PCDHA4: variants seen among roughly 807,000 people sequenced by gnomAD.
PCDHA4 encodes the protein protocadherin alpha 4.
In PCDHA4, 49 loss-of-function variants were observed where a neutral mutation model predicts 61.4. That is an observed-to-expected ratio of 0.80 (90% CI 0.63 to 1.01). The LOEUF (loss-of-function observed/expected upper bound fraction) is 1.01. Ranked by LOEUF, PCDHA4 falls within the 50% of genes least tolerant of loss-of-function variation. The probability of loss-of-function intolerance (pLI) is 0.00; values close to 1 mark genes in which losing one functional copy is unlikely to be tolerated. For synonymous variants in PCDHA4, 590 were observed against 550.3 expected, an observed-to-expected ratio of 1.07 and a Z score of -1.01; for missense variants, 1,254 against 1,235.8, an observed-to-expected ratio of 1.01 and a Z score of -0.22.
intron 1 of PCDHA4, chr5:140,829,375 G>A (rs1770260995): frequency 2.5e-6 from 4 of 1,614,026 alleles, no homozygotes; most frequent in East Asian, 2.2e-5. Flanking sequence ...TAACCGCGCG[G>A]GACGGGGGCT....
Position 141,010,123 on chromosome 5 carries a change from A to G in PCDHA4, c.*186A>G, listed in dbSNP as rs782357783. The G allele has an allele frequency of 3.7e-6, 6 of 1,605,822 alleles. No individual in the cohort carries two copies. In the East Asian group the frequency reaches 1.3e-4, roughly 36 times the overall value. On this transcript the variant is annotated 3_prime_UTR_variant, in exon 4 of 4. Transcript: ENST00000530339. ...AGGTTTTGTCGTAAAAGCTTTACTA[A>G]GTCTGGTGTTAACTCTTTCTCTCCA...
intron 1 of PCDHA4, chr5:140,877,158 G>A (rs781901798): frequency 1.2e-6 from 2 of 1,613,808 alleles, no homozygotes; most frequent in Admixed American, 3.3e-5. Context: ...ACGACAACGC[G>A]CCGGCACTGC....
intron 1 of PCDHA4, chr5:140,863,268 G>A: frequency 6.9e-7 from 1 of 1,459,352 alleles, no homozygotes; most frequent in Non-Finnish European, 9.3e-7. Context: ...GGGAGGCAGC[G>A]CTGGTGGATG....
At position 140,807,523 on chromosome 5, in the gene PCDHA4, G is replaced by T. The variant is rs1187036014; in HGVS notation, c.336G>T (p.Arg112Ser). 6.2e-7 allele frequency: 1 copy of T among 1,613,986 alleles called. No homozygotes were observed. The highest frequency in any genetic ancestry group is 8.5e-7 in the Non-Finnish European group (1 of 1,179,998). ...CSIHLEVIVD[R>S]PLQVFHVDVE... is the part of the protein sequence containing the mutation. ...TCCACCTGGAGGTGATCGTAGACAG[G>T]CCGCTGCAGGTTTTCCATGTGGACG... Residue 112 changes from arginine to serine, a missense_variant, in exon 1 of 4, where the codon AGG becomes AGT. Physicochemically the swap from Arg to Ser is moderately radical, Grantham distance 110. Transcript: ENST00000530339.
At chr5:140,818,183 G>A (rs2150100367) in intron 1 of PCDHA4, among the ~76,000 whole-genome samples, 54 of 152,080 alleles carry the variant, frequency 3.6e-4, no homozygotes, top group Non-Finnish European at 6.6e-4. Context: ...ATATTCTTCT[G>A]TGACTATAAG....
chr5:140,967,565 C>A, intron 1 of PCDHA4: 1 of 1,614,080 alleles, frequency 6.2e-7, no homozygotes, highest in Non-Finnish European at 8.5e-7. Context: ...CGTCCAGCTA[C>A]GGGAGGACTC....
At chr5:140,917,665 T>C (rs1174470921) in intron 1 of PCDHA4, among the ~76,000 whole-genome samples, 4 of 152,220 alleles carry the variant, frequency 2.6e-5, no homozygotes, top group African/African-American at 9.6e-5. Flanking sequence ...AGGAAGTCCT[T>C]TCTCCATTGC....
At chr5:141,002,676 T>C (rs2098090585) in intron 3 of PCDHA4, among the ~76,000 whole-genome samples, 1 of 152,196 alleles carries the variant, frequency 6.6e-6, no homozygotes, top group Non-Finnish European at 1.5e-5. Context: ...CCAAAACCTA[T>C]ACGACGTGCA....
At chr5:140,967,680 G>A in intron 1 of PCDHA4, 4 of 1,614,228 alleles carry the variant, frequency 2.5e-6, no homozygotes, top group South Asian at 1.1e-5. Context: ...GACCGGGAGA[G>A]GCAGCTCTTC....
intron 3 of PCDHA4, among the ~76,000 whole-genome samples, chr5:140,985,238 A>G (rs2097143387): frequency 1.3e-5 from 2 of 152,120 alleles, no homozygotes; most frequent in Non-Finnish European, 2.9e-5. Context: ...CGCCTGGCCT[A>G]ATCTTCTTAC....
chr5:140,987,579 G>A (rs1587244490), intron 3 of PCDHA4, among the ~76,000 whole-genome samples: 1 of 152,280 alleles, frequency 6.6e-6, no homozygotes, highest in East Asian at 1.9e-4. Flanking sequence ...TCTATAAAAT[G>A]GGGAGAATAG....
intron 1 of PCDHA4, among the ~76,000 whole-genome samples, chr5:140,831,505 C>T (rs1412107675): frequency 7.1e-6 from 1 of 140,118 alleles, no homozygotes; most frequent in Non-Finnish European, 1.5e-5. Context: ...ACACGAGCAC[C>T]ACCATGCCCC....
chr5:141,002,877 A>G (rs989540490), intron 3 of PCDHA4, among the ~76,000 whole-genome samples: 1 of 152,252 alleles, frequency 6.6e-6, no homozygotes, highest in Non-Finnish European at 1.5e-5. Context: ...CCTCAAGAAC[A>G]GAAAGAGAAC....
chr5:140,904,047 A>C (rs1554191240), intron 1 of PCDHA4, among the ~76,000 whole-genome samples: 1 of 152,164 alleles, frequency 6.6e-6, no homozygotes, highest in Admixed American at 6.6e-5. Flanking sequence ...TAATTTTTTT[A>C]TTTCAATGGG....
At chr5:140,877,002 G>A (rs374546473) in intron 1 of PCDHA4, 96 of 1,612,426 alleles carry the variant, frequency 6.0e-5, no homozygotes, top group Non-Finnish European at 8.0e-5. Flanking sequence ...ACGTGTCGGT[G>A]CACGCGGAGA....
At chr5:140,920,388 T>C (rs1237249131) in intron 1 of PCDHA4, among the ~76,000 whole-genome samples, 1 of 152,214 alleles carries the variant, frequency 6.6e-6, no homozygotes, top group Non-Finnish European at 1.5e-5. Context: ...CATATTACCA[T>C]CTGGTGTCTT....
At position 140,928,683 on chromosome 5, in the gene PCDHA4, C is replaced by T. The variant is rs868920923; in HGVS notation, c.2386-50266C>T. ...ACAGTGGTTCTAATGCCTGGCTTTC[C>T]TACCACATCTCCCGGGCGTCTGACT... On this transcript the variant is annotated intron_variant, in intron 1 of 3. Transcript: ENST00000530339. 3.7e-6 allele frequency: 6 copies of T among 1,614,172 alleles called. No individual in the cohort carries two copies. In the Middle Eastern group the frequency reaches 6.6e-4, roughly 178 times the overall value.
At chr5:140,908,248 C>G (rs2073877594) in intron 1 of PCDHA4, among the ~76,000 whole-genome samples, 2 of 152,154 alleles carry the variant, frequency 1.3e-5, no homozygotes, top group South Asian at 4.1e-4. Context: ...TCCTCATCAA[C>G]TGATCATAGG....
At chr5:140,870,065 C>T (rs2051628168) in intron 1 of PCDHA4, 2 of 1,613,794 alleles carry the variant, frequency 1.2e-6, no homozygotes, top group Non-Finnish European at 1.7e-6. Flanking sequence ...GAAGTACAGG[C>T]TACAGATAAG....
Sources: allele counts gnomAD v4.1 joint callset (sites outside exome capture counted in the v4.1 genomes callset), GRCh38; gene constraint gnomAD v4.1.1; transcripts MANE v1.5; gene names NCBI Gene and HGNC (gene_info 2026-07-23, HGNC 2026-07-21).